The following LARP4B variants were observed in gnomAD, a reference collection of about 807,000 sequenced individuals.
The protein encoded by LARP4B is la-related protein 4B.
Under a neutral mutation model 89.8 loss-of-function variants are expected in LARP4B, and 12 were observed. That is an observed-to-expected ratio of 0.13 (90% CI 0.09 to 0.22). The LOEUF (loss-of-function observed/expected upper bound fraction) is 0.22, where lower values mean the gene tolerates loss of function less well. Ranked by LOEUF, LARP4B falls within the 10% of genes least tolerant of loss-of-function variation. The pLI is 1.00. For synonymous variants in LARP4B, 367 were observed against 363.3 expected (o/e 1.01, Z -0.12); for missense variants, 757 against 947.7 (o/e 0.80, Z 2.64).
At position 875,161 on chromosome 10, in the gene LARP4B, G is replaced by A. The variant is rs185373112; in HGVS notation, c.141+9286C>T. Among the ~76,000 whole-genome samples, 55 of 152,294 alleles carry A rather than the reference G, an allele frequency of 3.6e-4. No homozygotes were observed. The South Asian group carries it at 0.011, about 29-fold the overall frequency. On this transcript the variant is annotated intron_variant, in intron 3 of 17. Transcript: ENST00000316157. ...GATTCATACCAGCTGTAAAATGAAA[G>A]GACATAGTAAAGCAGAGAAGCTCAC...
chr10:972,980 T>C, the LARP4B span: 1 of 417,684 alleles, frequency 2.4e-6, no homozygotes, highest in East Asian at 7.2e-5. Context: ...GCAGTAGGCG[T>C]TACCACTGTG....
At chr10:813,295 AAG>A in intron 17 of LARP4B, 82 bp from the exon 18 acceptor site, 2 of 1,377,456 alleles carry the variant, frequency 1.5e-6, no homozygotes, top group East Asian at 2.5e-5. Flanking sequence ...CTTAAGATAA[AAG>A]AGTTTTCAAC....
intron 1 of LARP4B, among the ~76,000 whole-genome samples, chr10:886,165 G>C (rs1001397764): frequency 1.3e-5 from 2 of 152,156 alleles, no homozygotes; most frequent in African/African-American, 4.8e-5. Flanking sequence ...TCAAAGGCAT[G>C]AACAGGCATT....
intron 1 of LARP4B, among the ~76,000 whole-genome samples, chr10:919,392 A>C (rs1215451149): frequency 6.6e-6 from 1 of 152,168 alleles, no homozygotes; most frequent in Non-Finnish European, 1.5e-5. Context: ...AAGAAGCTAT[A>C]AAGTTCCCAT....
At chr10:939,427 T>A in the LARP4B span, among the ~76,000 whole-genome samples, 1 of 152,220 alleles carries the variant, frequency 6.6e-6, no homozygotes, top group African/African-American at 2.4e-5. Flanking sequence ...GCTACAGCCT[T>A]TGCAGAAGCC....
chr10:898,310 T>C lies in LARP4B; in HGVS notation c.-39-12550A>G, dbSNP rs528239036. On this transcript the variant is annotated intron_variant, in intron 1 of 17. Coordinates refer to ENST00000316157, the MANE Select transcript of LARP4B (RefSeq NM_015155.3). ...GTACAAATGTAAAACAGAGCAGCCATTATAGGAAGCAGTCTGGCAGTTTCT... is the reference window on the plus strand; with the variant it reads ...GTACAAATGTAAAACAGAGCAGCCACTATAGGAAGCAGTCTGGCAGTTTCT... Among the ~76,000 whole-genome samples the C allele has an allele frequency of 3.9e-5, 6 of 152,306 alleles. No homozygotes were observed. In the East Asian group the frequency reaches 1.2e-3, roughly 29 times the overall value.
chr10:978,785 G>A, the LARP4B span, among the ~76,000 whole-genome samples: 1 of 152,104 alleles, frequency 6.6e-6, no homozygotes, highest in Non-Finnish European at 1.5e-5. Context: ...TCTATTGCAA[G>A]TATATTATTT....
rs750566205 is a variant in LARP4B at position 843,023 on chromosome 10, A to G, written c.555T>C (p.Ser185=). 6.2e-7 allele frequency: 1 copy of G among 1,613,934 alleles called. No homozygotes were observed. The highest frequency in any genetic ancestry group is 8.5e-7 in the Non-Finnish European group (1 of 1,179,756). The part of the protein sequence containing the change: ...SDMYLISQMD[S]DQYVPITTVA... Reference sequence around the variant, plus strand: ...CCGTTGTGATTGGCACATACTGGTCACTATCCATCTGTGATATAAGATACA... The same window carrying G: ...CCGTTGTGATTGGCACATACTGGTCGCTATCCATCTGTGATATAAGATACA... Residue 185 remains serine, a synonymous_variant, in exon 7 of 18, where the codon AGT becomes AGC. Coordinates refer to ENST00000316157, the MANE Select transcript of LARP4B (RefSeq NM_015155.3).
At chr10:906,496 A>G (rs1365188012) in intron 1 of LARP4B, among the ~76,000 whole-genome samples, 1 of 152,214 alleles carries the variant, frequency 6.6e-6, no homozygotes, top group Non-Finnish European at 1.5e-5. Flanking sequence ...GTGTGGTGCA[A>G]CCCACAGGTA....
At chr10:930,289 C>T (rs1318572037) in intron 1 of LARP4B, among the ~76,000 whole-genome samples, 1 of 152,218 alleles carries the variant, frequency 6.6e-6, no homozygotes, top group Non-Finnish European at 1.5e-5. Context: ...TTGCTCTCAT[C>T]TCTAGAAAAA....
At chr10:972,326 C>T in the LARP4B span, 1 of 377,532 alleles carries the variant, frequency 2.6e-6, no homozygotes, top group African/African-American at 2.1e-5. Flanking sequence ...CCGCACCCAG[C>T]CTCTCTCTGT....
chr10:841,491 A>G (rs1833518497), intron 7 of LARP4B, among the ~76,000 whole-genome samples: 1 of 152,252 alleles, frequency 6.6e-6, no homozygotes, highest in Non-Finnish European at 1.5e-5. Context: ...GCAAGCACAC[A>G]GAGCAATTTA....
chr10:843,152 G>T, intron 6 of LARP4B, 84 bp from the exon 7 acceptor site: 4 of 1,195,558 alleles, frequency 3.3e-6, no homozygotes, highest in Non-Finnish European at 4.8e-6. Flanking sequence ...CACAAGAGGC[G>T]TGAGTGTGGC....
At chr10:841,471 G>A (rs1833517521) in intron 7 of LARP4B, among the ~76,000 whole-genome samples, 1 of 152,250 alleles carries the variant, frequency 6.6e-6, no homozygotes, top group South Asian at 2.1e-4. Flanking sequence ...GGGCAGGTGG[G>A]CTCTGTTAAG....
Position 878,205 on chromosome 10 carries a change from C to A in LARP4B, c.141+6242G>T, listed in dbSNP as rs117112699. Reference sequence around the variant, plus strand: ...GGTGCCAGACTACGAAGGCTAGGGACCTGCCAGAACTCAGGCTAACTGTGA... The same window carrying A: ...GGTGCCAGACTACGAAGGCTAGGGAACTGCCAGAACTCAGGCTAACTGTGA... On this transcript the variant is annotated intron_variant, in intron 3 of 17. Transcript: ENST00000316157. Among the ~76,000 whole-genome samples, 1,439 of 152,266 alleles carry A rather than the reference C, an allele frequency of 9.5e-3. 17 individuals are homozygous for A. Among genetic ancestry groups the A allele is most frequent in the South Asian group, 0.035 (171 of 4,822 alleles).
At chr10:844,455 C>T (rs1423781786) in intron 6 of LARP4B, among the ~76,000 whole-genome samples, 1 of 152,172 alleles carries the variant, frequency 6.6e-6, no homozygotes, top group South Asian at 2.1e-4. Context: ...AAATCATCAT[C>T]GACAGAAAAC....
upstream of LARP4B, chr10:933,208 T>G (rs1235385334): frequency 6.6e-6 from 1 of 152,256 alleles, no homozygotes; most frequent in Admixed American, 6.5e-5. Flanking sequence ...TTCCAAATTT[T>G]AGGTTTGTTC....
At chr10:835,508 A>T (rs552221105) in intron 8 of LARP4B, among the ~76,000 whole-genome samples, 11 of 152,302 alleles carry the variant, frequency 7.2e-5, no homozygotes, top group African/African-American at 1.9e-4. Flanking sequence ...GGTAGGATAA[A>T]CTAAGTTGCC....
chr10:820,890 G>C (rs753810444), intron 13 of LARP4B, 45 bp from the exon 14 acceptor site: 2 of 1,575,646 alleles, frequency 1.3e-6, no homozygotes, highest in South Asian at 2.2e-5. Flanking sequence ...TTCCCACTTG[G>C]AGAATTTATT....
Sources: gnomAD v4.1 joint callset for allele counts (sites outside exome capture counted in the v4.1 genomes callset) on GRCh38, gnomAD v4.1.1 for gene constraint, MANE v1.5 for transcripts, NCBI Gene and HGNC (gene_info 2026-07-23, HGNC 2026-07-21) for gene names.